Variants in TENM2 observed in about 807,000 individuals in gnomAD.
TENM2 encodes teneurin-2.
Under a neutral mutation model 245.2 loss-of-function variants are expected in TENM2, and 52 were observed. That is an observed-to-expected ratio of 0.21 (90% CI 0.17 to 0.27). The LOEUF is 0.27. TENM2 is among the 10% of genes least tolerant of loss of function. TENM2 has a pLI of 1.00. For synonymous variants in TENM2, 1,363 were observed against 1,438.9 expected (o/e 0.95, Z 1.19); for missense variants, 3,046 against 3,666.8 (o/e 0.83, Z 4.37).
chr5:168,226,137 G>A (rs758222673), exon 24 of TENM2: 2 of 1,613,742 alleles, frequency 1.2e-6, no homozygotes, highest in East Asian at 2.2e-5. Context: ...CACGGGGGTG[G>A]TAACCAGTCT....
intron 3 of TENM2, among the ~76,000 whole-genome samples, chr5:167,892,713 C>CA (rs1012581497): frequency 2.0e-5 from 3 of 152,150 alleles, no homozygotes; most frequent in Admixed American, 2.0e-4. Flanking sequence ...TATAGTTCTG[C>CA]AAAAACCCTC....
At chr5:168,152,780 G>T (rs973551224) in intron 12 of TENM2, among the ~76,000 whole-genome samples, 2 of 152,090 alleles carry the variant, frequency 1.3e-5, no homozygotes, top group African/African-American at 2.4e-5. Context: ...CTACTCGCTG[G>T]GTACCCTAGT....
At chr5:167,640,507 A>G (rs1779483804) in intron 2 of TENM2, among the ~76,000 whole-genome samples, 1 of 151,404 alleles carries the variant, frequency 6.6e-6, no homozygotes, top group East Asian at 2.0e-4. Context: ...AATTCCAGCT[A>G]CTCGGGAGGC....
At chr5:167,430,289 A>G (rs1764137324) in intron 2 of TENM2, among the ~76,000 whole-genome samples, 1 of 152,228 alleles carries the variant, frequency 6.6e-6, no homozygotes, top group Admixed American at 6.5e-5. Context: ...TAAAATGGCC[A>G]TCACGATCAA....
the TENM2 span, among the ~76,000 whole-genome samples, chr5:167,278,616 CT>C: frequency 6.6e-6 from 1 of 152,052 alleles, no homozygotes; most frequent in East Asian, 1.9e-4. Flanking sequence ...TTTGTAGTTG[CT>C]GCATTGTACA....
At chr5:167,297,542 C>T (rs1018142261) in intron 1 of TENM2, 1 of 152,182 alleles carries the variant, frequency 6.6e-6, no homozygotes, top group Admixed American at 6.5e-5. Flanking sequence ...AATGATGAAT[C>T]TGGACCTACT....
At chr5:167,974,436 G>A (rs1420514910) in intron 4 of TENM2, among the ~76,000 whole-genome samples, 1 of 144,736 alleles carries the variant, frequency 6.9e-6, no homozygotes, top group Non-Finnish European at 1.5e-5. Context: ...AGGGGTGGAG[G>A]AAGGAGGGAA....
chr5:167,682,533 G>A (rs4993460), intron 2 of TENM2, among the ~76,000 whole-genome samples: 64,311 of 151,952 alleles, frequency 0.42, 16,148 homozygotes, highest in East Asian at 0.9. Context: ...TTGATAAAAT[G>A]ATTATCAATA....
chr5:167,954,005 C>T (rs190477199), intron 4 of TENM2, among the ~76,000 whole-genome samples: 3 of 152,052 alleles, frequency 2.0e-5, no homozygotes, highest in Admixed American at 2.0e-4. Flanking sequence ...TTAAGAGAAA[C>T]TAAAAGAATG....
intron 2 of TENM2, among the ~76,000 whole-genome samples, chr5:167,814,937 G>A (rs888557320): frequency 5.9e-5 from 9 of 152,132 alleles, no homozygotes; most frequent in Non-Finnish European, 1.2e-4. Flanking sequence ...TGCCGATGGA[G>A]AGAAATTCCT....
intron 3 of TENM2, among the ~76,000 whole-genome samples, chr5:167,901,964 T>C (rs1775740272): frequency 6.6e-6 from 1 of 152,216 alleles, no homozygotes; most frequent in African/African-American, 2.4e-5. Context: ...GATATTAGCA[T>C]AGAAAGCAAC....
intron 2 of TENM2, among the ~76,000 whole-genome samples, chr5:167,484,191 A>G (rs1471178343): frequency 6.6e-6 from 1 of 152,154 alleles, no homozygotes; most frequent in East Asian, 1.9e-4. Context: ...CTAAAAATAC[A>G]AAAATTAGCA....
chr5:167,640,233 A>G (rs1045801099), intron 2 of TENM2, among the ~76,000 whole-genome samples: 3 of 152,210 alleles, frequency 2.0e-5, no homozygotes, highest in Non-Finnish European at 4.4e-5. Context: ...GACTTTGGTT[A>G]TCTCGTTTCT....
intron 23 of TENM2, among the ~76,000 whole-genome samples, chr5:168,225,201 T>G (rs1344605006): frequency 6.6e-6 from 1 of 152,120 alleles, no homozygotes; most frequent in Non-Finnish European, 1.5e-5. Context: ...AAGAACAGGT[T>G]CCATGCAGCC....
At chr5:167,867,436 C>A (rs1255546259) in intron 2 of TENM2, among the ~76,000 whole-genome samples, 4 of 152,168 alleles carry the variant, frequency 2.6e-5, no homozygotes. Context: ...GCTCCTCCTG[C>A]AAGAGGCCCT....
chr5:168,247,235 G>A lies in TENM2; in HGVS notation c.6296G>A (p.Arg2099His), dbSNP rs956087991. ...TACACCTATCATGACAACAGCTTCCGCATCGCAAGCATCAAGCCCGTCATA... is the reference window on the plus strand; with the variant it reads ...TACACCTATCATGACAACAGCTTCCACATCGCAAGCATCAAGCCCGTCATA... The change falls in exon 27 of 29, where the codon CGC becomes CAC. Residue 2099 changes from arginine to histidine, a missense_variant. Around this residue, in one of 2 missense-constraint regions of TENM2, gnomAD observed 2,704 missense variants for 3,331.9 expected, o/e 0.81. Coordinates refer to ENST00000518659, the Ensembl canonical transcript of TENM2. The surrounding 1 kb of genome is among the most constrained non-coding windows in gnomAD (Gnocchi z 7.8). 6.8e-6 allele frequency: 11 copies of A among 1,613,720 alleles called. No homozygotes were observed. Among genetic ancestry groups the A allele is most frequent in the Non-Finnish European group, 9.3e-6 (11 of 1,179,874 alleles).
the TENM2 span, among the ~76,000 whole-genome samples, chr5:167,182,033 A>G: frequency 6.6e-6 from 1 of 152,222 alleles, no homozygotes; most frequent in Non-Finnish European, 1.5e-5. Flanking sequence ...TTAAATTAGG[A>G]AAGATTTCAT....
intron 7 of TENM2, among the ~76,000 whole-genome samples, chr5:168,073,858 C>T (rs1262163413): frequency 1.3e-5 from 2 of 152,186 alleles, no homozygotes; most frequent in African/African-American, 4.8e-5. Context: ...CAGAGGCAGG[C>T]CATCACGTTG....
chr5:167,229,056 A>G, the TENM2 span, among the ~76,000 whole-genome samples: 3 of 152,148 alleles, frequency 2.0e-5, no homozygotes, highest in Non-Finnish European at 4.4e-5. Context: ...CCGAAGATGT[A>G]TCTGTTGTGT....
Sources: allele counts gnomAD v4.1 joint callset (sites outside exome capture counted in the v4.1 genomes callset), GRCh38; gene constraint gnomAD v4.1.1; regional missense constraint gnomAD v4.1.1; non-coding constraint Gnocchi (gnomAD v3.1); transcripts MANE v1.5; gene names NCBI Gene and HGNC (gene_info 2026-07-23, HGNC 2026-07-21).